The following ZUP1 variants were observed in gnomAD, a reference collection of about 807,000 sequenced individuals.
ZUP1 encodes zinc finger containing ubiquitin peptidase 1.
A neutral mutation model predicts 68.1 loss-of-function variants in ZUP1; 55 were observed. The ratio of observed to expected loss-of-function variants is 0.81; its 90% CI spans 0.65 to 1.01. ZUP1 has a LOEUF of 1.01. Ranked by LOEUF, ZUP1 falls within the 50% of genes least tolerant of loss-of-function variation. ZUP1 has a pLI of 0.00. For synonymous variants in ZUP1, 223 were observed against 221.5 expected (o/e 1.01, Z -0.06); for missense variants, 684 against 674.9 (o/e 1.01, Z -0.15).
chr6:116,648,234 A>T (rs1038786761), intron 7 of ZUP1, among the ~76,000 whole-genome samples: 6 of 152,160 alleles, frequency 3.9e-5, no homozygotes, highest in Non-Finnish European at 7.3e-5. Flanking sequence ...TTGAATAAAC[A>T]TTTTTTTAAC....
At chr6:116,647,024 C>CA (rs2115391061) in intron 8 of ZUP1, among the ~76,000 whole-genome samples, 2 of 152,258 alleles carry the variant, frequency 1.3e-5, no homozygotes, top group Non-Finnish European at 2.9e-5. Flanking sequence ...CTGAAGATGT[C>CA]AGGAATATCA....
chr6:116,648,380 A>G (rs187912322), intron 7 of ZUP1, among the ~76,000 whole-genome samples: 3 of 152,308 alleles, frequency 2.0e-5, no homozygotes, highest in East Asian at 1.9e-4. Context: ...TAAAATCTCT[A>G]AAACATCCGA....
intron 4 of ZUP1, among the ~76,000 whole-genome samples, chr6:116,658,330 A>T (rs1163211613): frequency 6.6e-6 from 1 of 152,224 alleles, no homozygotes; most frequent in Non-Finnish European, 1.5e-5. Flanking sequence ...AAATAGTTGT[A>T]AATGTTTGAA....
Position 116,666,858 on chromosome 6 carries a change from G to A in ZUP1, c.335C>T (p.Thr112Ile). 1 of 1,610,084 alleles carries A rather than the reference G, an allele frequency of 6.2e-7. No individual in the cohort carries two copies. Among genetic ancestry groups the A allele is most frequent in the Non-Finnish European group, 8.5e-7 (1 of 1,178,880 alleles). ...NSAQNLTKDS[T>I]LKHEGFYSEN... is the part of the protein sequence containing the mutation. ...TGAATAGAAGCCTTCATGTTTTAAA[G>A]TACTATCTTTAGTCAGGTTTTGAGC... is the stretch of plus-strand genomic sequence containing the variant. Residue 112 changes from threonine (T) to isoleucine (I), a missense_variant, in exon 2 of 10, where the codon ACT becomes ATT. Physicochemically the swap from Thr to Ile is moderately conservative, Grantham distance 89 (BLOSUM62 -1). Coordinates refer to ENST00000368576, the MANE Select transcript of ZUP1 (RefSeq NM_145062.3).
intron 9 of ZUP1, among the ~76,000 whole-genome samples, chr6:116,641,814 G>C (rs1776109663): frequency 1.3e-5 from 2 of 152,212 alleles, no homozygotes; most frequent in South Asian, 4.2e-4. Flanking sequence ...TCAAAAGCTA[G>C]CAGGAGGCAA....
chr6:116,643,719 T>G (rs1005692314), intron 9 of ZUP1, among the ~76,000 whole-genome samples: 1 of 152,144 alleles, frequency 6.6e-6, no homozygotes, highest in Admixed American at 6.5e-5. Context: ...ATGTTAGACA[T>G]AAAACCATAA....
intron 2 of ZUP1, 67 bp downstream of exon 2, chr6:116,666,567 C>T: frequency 7.2e-7 from 1 of 1,394,744 alleles, no homozygotes; most frequent in South Asian, 1.6e-5. Flanking sequence ...TACAAACCAA[C>T]TTTTAAAATA....
chr6:116,640,574 T>A (rs1776065010), intron 9 of ZUP1, among the ~76,000 whole-genome samples: 1 of 152,040 alleles, frequency 6.6e-6, no homozygotes, highest in Non-Finnish European at 1.5e-5. Context: ...CAGAATTTCA[T>A]ATCCAGCCAA....
At position 116,651,735 on chromosome 6, in the gene ZUP1, T is replaced by C. The variant is rs776492591; in HGVS notation, c.1153A>G (p.Met385Val). 6.2e-7 allele frequency: 1 copy of C among 1,613,088 alleles called. No homozygotes were observed. The highest frequency in any genetic ancestry group is 1.1e-5 in the South Asian group (1 of 91,022). The change falls in exon 7 of 10, where the codon ATG becomes GTG. Residue 385 changes from methionine to valine, a missense_variant and splice_region_variant. By Grantham distance (21) the Met-to-Val change is conservative. Transcript: ENST00000368576. ...ATTTTTGGAATGCAAGGAATCAACA[T>C]ACCTAAAATTACACAAGCAAACATG... ...NDAYNDCLKG[M>V]LIPCIPKIQS...
chr6:116,642,624 C>G (rs1776144220), intron 9 of ZUP1, among the ~76,000 whole-genome samples: 1 of 152,112 alleles, frequency 6.6e-6, no homozygotes, highest in Non-Finnish European at 1.5e-5. Context: ...AGGCCTTTGC[C>G]AAAATTCAAC....
chr6:116,636,624 ACT>A (rs1025602515), intron 9 of ZUP1, among the ~76,000 whole-genome samples: 4 of 152,048 alleles, frequency 2.6e-5, no homozygotes, highest in African/African-American at 9.7e-5. Flanking sequence ...TAATTATAAG[ACT>A]CTAGTGGCCA....
chr6:116,660,529 T>C (rs1402706473), intron 3 of ZUP1, among the ~76,000 whole-genome samples: 1 of 152,222 alleles, frequency 6.6e-6, no homozygotes, highest in Non-Finnish European at 1.5e-5. Flanking sequence ...TATGGCAGTT[T>C]TCTAGTTCAA....
At chr6:116,645,976 T>A in intron 8 of ZUP1, 42 bp from the exon 9 acceptor site, 1 of 1,375,506 alleles carries the variant, frequency 7.3e-7, no homozygotes, top group Non-Finnish European at 1.0e-6. Context: ...CACATCTATT[T>A]ACAGTTATAC....
At chr6:116,643,843 C>G (rs1237760597) in intron 9 of ZUP1, among the ~76,000 whole-genome samples, 1 of 152,164 alleles carries the variant, frequency 6.6e-6, no homozygotes, top group Non-Finnish European at 1.5e-5. Context: ...CAAATGGGAT[C>G]TAATTAAACT....
intron 9 of ZUP1, among the ~76,000 whole-genome samples, chr6:116,638,169 G>A (rs1421520858): frequency 6.6e-6 from 1 of 151,512 alleles, no homozygotes; most frequent in East Asian, 1.9e-4. Flanking sequence ...TTTCCCCCAT[G>A]ATCCCATTAT....
chr6:116,660,658 C>A lies in ZUP1; in HGVS notation c.670+78G>T, dbSNP rs550996776. On this transcript the variant is annotated intron_variant, in intron 3 of 9. Coordinates refer to ENST00000368576, the MANE Select transcript of ZUP1 (RefSeq NM_145062.3). ...GTATTTTAAAATATTTTTTCCATAT[C>A]ACAAATCTAAAAATTAGATATGTGT... The A allele has an allele frequency of 4.0e-6, 3 of 750,588 alleles. No individual in the cohort carries two copies. In the Admixed American group the frequency reaches 1.0e-4, roughly 26 times the overall value. 46.5% of individuals were successfully genotyped at this position (750,588 alleles called of 1,614,324 possible). A position where few individuals can be genotyped will look rare whatever the true frequency, so the allele number is the denominator to read the frequency against.
chr6:116,652,786 A>T (rs1776554283), intron 5 of ZUP1, among the ~76,000 whole-genome samples: 1 of 152,098 alleles, frequency 6.6e-6, no homozygotes, highest in Non-Finnish European at 1.5e-5. Context: ...ACTTTTCTTA[A>T]GGCAGAACAA....
At chr6:116,638,888 G>C (rs1285597033) in intron 9 of ZUP1, among the ~76,000 whole-genome samples, 1 of 152,224 alleles carries the variant, frequency 6.6e-6, no homozygotes, top group Non-Finnish European at 1.5e-5. Context: ...GCGAGGCATT[G>C]CCTCACTCGG....
chr6:116,668,472 C>A (rs1777075986), intron 1 of ZUP1, 94 bp downstream of exon 1: 1 of 152,394 alleles, frequency 6.6e-6, no homozygotes, highest in African/African-American at 2.4e-5. Flanking sequence ...ACGTTCCGCG[C>A]CAAAGGCACA....
Sources: allele counts gnomAD v4.1 joint callset (sites outside exome capture counted in the v4.1 genomes callset), GRCh38; gene constraint gnomAD v4.1.1; transcripts MANE v1.5; gene names NCBI Gene and HGNC (gene_info 2026-07-23, HGNC 2026-07-21).